Variants in TMEM132D observed in about 807,000 individuals in gnomAD.
TMEM132D encodes the protein mature OL transmembrane protein.
TMEM132D carries 21 observed loss-of-function variants against 62.3 expected under a neutral mutation model. That is an observed-to-expected ratio of 0.34 (90% CI 0.24 to 0.49). The LOEUF (loss-of-function observed/expected upper bound fraction) is 0.49. TMEM132D is among the 20% of genes least tolerant of loss of function. The pLI is 0.99. For synonymous variants in TMEM132D, 621 were observed against 575.6 expected (o/e 1.08, Z -1.13); for missense variants, 1,346 against 1,402.8 (o/e 0.96, Z 0.65).
chr12:129,718,295 G>A (rs1480748643), intron 1 of TMEM132D, among the ~76,000 whole-genome samples: 1 of 152,224 alleles, frequency 6.6e-6, no homozygotes, highest in Non-Finnish European at 1.5e-5. Flanking sequence ...CCTGACCCTG[G>A]GGATGGACTC....
At chr12:129,361,363 G>T (rs1009360538) in intron 3 of TMEM132D, among the ~76,000 whole-genome samples, 1 of 152,158 alleles carries the variant, frequency 6.6e-6, no homozygotes, top group African/African-American at 2.4e-5. Context: ...ACTGCTTACT[G>T]CAGATTTGCA....
chr12:129,819,173 C>T (rs908306461), intron 1 of TMEM132D, among the ~76,000 whole-genome samples: 9 of 152,094 alleles, frequency 5.9e-5, no homozygotes, highest in East Asian at 3.9e-4. Flanking sequence ...TGAGAACACG[C>T]GCTTAGAGTG....
intron 1 of TMEM132D, among the ~76,000 whole-genome samples, chr12:129,709,208 T>C (rs959868347): frequency 1.3e-5 from 2 of 152,206 alleles, no homozygotes; most frequent in African/African-American, 4.8e-5. Flanking sequence ...GGAGATGATT[T>C]GACAATGCCT....
At chr12:129,600,805 C>G (rs763608629) in intron 2 of TMEM132D, among the ~76,000 whole-genome samples, 3 of 152,160 alleles carry the variant, frequency 2.0e-5, no homozygotes, top group Non-Finnish European at 4.4e-5. Context: ...GTGCTGTAAA[C>G]AGATGTGCTG....
intron 1 of TMEM132D, among the ~76,000 whole-genome samples, chr12:129,721,573 G>A (rs1328655178): frequency 3.3e-5 from 5 of 152,074 alleles, no homozygotes; most frequent in African/African-American, 4.8e-5. Flanking sequence ...TGAGCAGCCC[G>A]TCCTCACCAA....
intron 5 of TMEM132D, among the ~76,000 whole-genome samples, chr12:129,144,729 G>A (rs188073595): frequency 1.2e-4 from 17 of 146,784 alleles, no homozygotes; most frequent in South Asian, 2.3e-4. Context: ...ACTGACCTAC[G>A]TATCATTCAT....
chr12:129,619,142 G>C (rs142232589), intron 2 of TMEM132D, among the ~76,000 whole-genome samples: 86 of 152,284 alleles, frequency 5.6e-4, no homozygotes, highest in African/African-American at 1.9e-3. Flanking sequence ...TAATGCTGGA[G>C]GGGATAATGA....
At position 129,373,361 on chromosome 12, in the gene TMEM132D, G is replaced by A. The variant is rs181051541; in HGVS notation, c.1116-35544C>T. On this transcript the variant is annotated intron_variant, in intron 3 of 8. Transcript: ENST00000422113. ...GTTTTAAAAAATTTAAGCCAGGCGCGGTGGCTCACGCCTGTAGTCCCAACA... is the reference window on the plus strand; with the variant it reads ...GTTTTAAAAAATTTAAGCCAGGCGCAGTGGCTCACGCCTGTAGTCCCAACA... 2.8e-3 allele frequency among the ~76,000 whole-genome samples: 421 copies of A among 152,284 alleles called. 3 individuals carry two copies. Among genetic ancestry groups the A allele is most frequent in the African/African-American group, 9.5e-3 (396 of 41,554 alleles).
chr12:129,086,195 C>T (rs1485646200), intron 5 of TMEM132D, among the ~76,000 whole-genome samples: 2 of 59,576 alleles, frequency 3.4e-5, no homozygotes, highest in South Asian at 5.9e-4. Context: ...CATAGTCACG[C>T]GCGCGCGTGT....
intron 4 of TMEM132D, among the ~76,000 whole-genome samples, chr12:129,237,496 T>C (rs1429742962): frequency 6.6e-6 from 1 of 152,240 alleles, no homozygotes; most frequent in East Asian, 1.9e-4. Flanking sequence ...CTCTAAATCA[T>C]TGGATATTTA....
At chr12:129,656,572 G>A (rs1025497197) in intron 2 of TMEM132D, among the ~76,000 whole-genome samples, 10 of 152,082 alleles carry the variant, frequency 6.6e-5, no homozygotes, top group South Asian at 2.1e-4. Flanking sequence ...GCATGACTCT[G>A]GCCAGATGTA....
At position 129,073,432 on chromosome 12, in the gene TMEM132D, GAC is replaced by G. The variant is rs1324673197; in HGVS notation, c.*441_*442del. The G allele has an allele frequency of 6.7e-6, 1 of 149,538 alleles. No individual in the cohort carries two copies. Among genetic ancestry groups the G allele is most frequent in the African/African-American group, 2.5e-5 (1 of 40,412 alleles). 9.3% of individuals were successfully genotyped at this position (149,538 alleles called of 1,614,324 possible). Reference sequence around the variant, plus strand: ...CAAGATGTGCTGCTCCAGTTTCGATGACACGCTTCCTCCCATTGATCCATGGA... The same window carrying G: ...CAAGATGTGCTGCTCCAGTTTCGATGACGCTTCCTCCCATTGATCCATGGA... On this transcript the variant is annotated 3_prime_UTR_variant, in exon 9 of 9. Transcript: ENST00000422113.
chr12:129,394,427 C>T (rs998442324), intron 3 of TMEM132D, among the ~76,000 whole-genome samples: 3 of 152,132 alleles, frequency 2.0e-5, no homozygotes, highest in South Asian at 4.1e-4. Flanking sequence ...TCAGTTGGCT[C>T]GAAAATGACA....
chr12:129,605,683 A>C (rs1878606846), intron 2 of TMEM132D, among the ~76,000 whole-genome samples: 4 of 151,128 alleles, frequency 2.6e-5, no homozygotes, highest in Non-Finnish European at 5.9e-5. Flanking sequence ...ATATTTGTAG[A>C]TAGAAAGTGT....
chr12:129,716,746 A>G (rs1868589756), intron 1 of TMEM132D, among the ~76,000 whole-genome samples: 1 of 152,150 alleles, frequency 6.6e-6, no homozygotes. Context: ...GGTGCTTAAG[A>G]GTGGAAGAGG....
At chr12:129,578,160 T>C (rs269154) in intron 2 of TMEM132D, among the ~76,000 whole-genome samples, 125,445 of 151,978 alleles carry the variant, frequency 0.83, 52,182 homozygotes, top group East Asian at 0.99. Context: ...TCTTCTCCCC[T>C]CTTCCTCAGT....
chr12:129,754,262 GAAAGAATATATGCCATAA>G (rs1338129455), intron 1 of TMEM132D, among the ~76,000 whole-genome samples: 5 of 152,182 alleles, frequency 3.3e-5, no homozygotes, highest in Non-Finnish European at 7.3e-5. Context: ...GTCCAAAGCA[GAAAGAATATATGCCATAA>G]ATTCATATGC....
chr12:129,365,479 C>T (rs539884162), intron 3 of TMEM132D, among the ~76,000 whole-genome samples: 1 of 152,126 alleles, frequency 6.6e-6, no homozygotes, highest in African/African-American at 2.4e-5. Context: ...AATAAATGCC[C>T]GTCTTAGGAG....
intron 5 of TMEM132D, among the ~76,000 whole-genome samples, chr12:129,086,882 TAGTG>T (rs1285755129): frequency 1.3e-5 from 2 of 152,106 alleles, no homozygotes; most frequent in African/African-American, 4.8e-5. Context: ...AGATACCTGG[TAGTG>T]AGAGTGCTGG....
Sources: allele counts gnomAD v4.1 joint callset (sites outside exome capture counted in the v4.1 genomes callset), GRCh38; gene constraint gnomAD v4.1.1; transcripts MANE v1.5; gene names NCBI Gene and HGNC (gene_info 2026-07-23, HGNC 2026-07-21).